Variants in GOLPH3 observed in about 807,000 individuals in gnomAD.
GOLPH3 encodes coat protein GPP34.
GOLPH3 carries 14 observed loss-of-function variants against 28.5 expected under a neutral mutation model. The ratio of observed to expected loss-of-function variants is 0.49; its 90% CI spans 0.32 to 0.77. The LOEUF is 0.77. Among genes scored for constraint, GOLPH3 ranks in the 30% least tolerant of loss-of-function variants. The pLI, the probability that GOLPH3 is intolerant of heterozygous loss-of-function variation, is 0.03. For missense variants in GOLPH3, 350 were observed against 393.7 expected (o/e 0.89, Z 0.94); for synonymous variants, 158 against 159.2 (o/e 0.99, Z 0.06).
At chr5:32,156,127 G>T (rs1304224680) in intron 1 of GOLPH3, among the ~76,000 whole-genome samples, 1 of 152,058 alleles carries the variant, frequency 6.6e-6, no homozygotes, top group African/African-American at 2.4e-5. Context: ...AGGATGCAAT[G>T]AGAAGACAAC....
chr5:32,174,178 C>G lies in GOLPH3; in HGVS notation c.-144G>C. ...CGTCCGTCGGCAGCAGGGCCGGGGGCAGTCATGAGGAAACAGGTCAGGGCG... is the reference window on the plus strand; with the variant it reads ...CGTCCGTCGGCAGCAGGGCCGGGGGGAGTCATGAGGAAACAGGTCAGGGCG... On this transcript the variant is annotated 5_prime_UTR_variant, in exon 1 of 4. Transcript: ENST00000265070. 2.2e-6 allele frequency: 1 copy of G among 462,584 alleles called. No individual in the cohort carries two copies. The highest frequency in any genetic ancestry group is 3.5e-6 in the Non-Finnish European group (1 of 288,582). 28.7% of individuals were successfully genotyped at this position (462,584 alleles called of 1,614,324 possible).
At chr5:32,151,542 T>A (rs7733265) in intron 1 of GOLPH3, among the ~76,000 whole-genome samples, 2,489 of 152,228 alleles carry the variant, frequency 0.016, 67 homozygotes, top group African/African-American at 0.057. Flanking sequence ...TTCAATTTTT[T>A]AAAAGGTAAC....
chr5:32,150,405 A>G (rs1188623857), intron 1 of GOLPH3, among the ~76,000 whole-genome samples: 1 of 149,810 alleles, frequency 6.7e-6, no homozygotes, highest in African/African-American at 2.5e-5. Context: ...TACAAGTTAC[A>G]AATAAAAGTT....
intron 2 of GOLPH3, among the ~76,000 whole-genome samples, chr5:32,138,712 T>TA (rs1745993002): frequency 6.6e-6 from 1 of 152,236 alleles, no homozygotes; most frequent in South Asian, 2.1e-4. Context: ...GTGTATGTTT[T>TA]TACTAACACC....
At chr5:32,155,349 CTTTTTA>C (rs1330403997) in intron 1 of GOLPH3, among the ~76,000 whole-genome samples, 25 of 152,180 alleles carry the variant, frequency 1.6e-4, no homozygotes, top group Middle Eastern at 3.4e-3. Flanking sequence ...GCACACTCGG[CTTTTTA>C]TTTTTATTTT....
At chr5:32,133,502 GAA>G (rs1307097105) in intron 3 of GOLPH3, among the ~76,000 whole-genome samples, 1 of 152,214 alleles carries the variant, frequency 6.6e-6, no homozygotes, top group Admixed American at 6.5e-5. Context: ...CACAACATGA[GAA>G]AGATCCAAAG....
intron 3 of GOLPH3, among the ~76,000 whole-genome samples, chr5:32,126,903 T>G (rs1002649361): frequency 6.6e-6 from 1 of 152,138 alleles, no homozygotes; most frequent in South Asian, 2.1e-4. Context: ...ACCCTTAGTC[T>G]TATGTGGAAA....
At position 32,129,251 on chromosome 5, in the gene GOLPH3, T is replaced by TA. The variant is rs374543353; in HGVS notation, c.473-2616dup. Among the ~76,000 whole-genome samples the TA allele has an allele frequency of 1.9e-3, 284 of 152,294 alleles. 1 individual carries two copies. The highest frequency in any genetic ancestry group is 6.6e-3 in the African/African-American group (273 of 41,566). On this transcript the variant is annotated intron_variant, in intron 3 of 3. Transcript: ENST00000265070. ...CCTAGTGTCCTAGTGCAAGTCATCT[T>TA]AATCTATTTCTCCATTTACTCATCT... is the stretch of plus-strand genomic sequence containing the variant.
At position 32,174,082 on chromosome 5, in the gene GOLPH3, C is replaced by T; in HGVS notation, c.-48G>A. ...CGGGCCGAGAGGGTCGCAGGACCGACCGGGTCGCCCTCCTCCTCCCCGCGC... is the reference window on the plus strand; with the variant it reads ...CGGGCCGAGAGGGTCGCAGGACCGATCGGGTCGCCCTCCTCCTCCCCGCGC... On this transcript the variant is annotated 5_prime_UTR_variant, in exon 1 of 4. Transcript: ENST00000265070. The T allele has an allele frequency of 8.3e-7, 1 of 1,201,690 alleles. No individual in the cohort carries two copies. Among genetic ancestry groups the T allele is most frequent in the South Asian group, 3.7e-5 (1 of 27,252 alleles). 74.4% of individuals were successfully genotyped at this position (1,201,690 alleles called of 1,614,324 possible).
At chr5:32,158,126 A>G (rs1490517814) in intron 1 of GOLPH3, among the ~76,000 whole-genome samples, 4 of 54,930 alleles carry the variant, frequency 7.3e-5, no homozygotes, top group Non-Finnish European at 1.5e-4. Flanking sequence ...AAATAAATAA[A>G]TAAAATACAC....
intron 3 of GOLPH3, among the ~76,000 whole-genome samples, chr5:32,133,629 A>G (rs1370784744): frequency 1.3e-5 from 2 of 152,264 alleles, no homozygotes; most frequent in African/African-American, 4.8e-5. Context: ...TTTAACATAT[A>G]GAGTTGACAT....
At position 32,167,511 on chromosome 5, in the gene GOLPH3, A is replaced by G. The variant is rs936763155; in HGVS notation, c.225+6299T>C. On this transcript the variant is annotated intron_variant, in intron 1 of 3. Transcript: ENST00000265070. ...CTAAAACGTAATTCAAATGCTCCAT[A>G]CAAGAACTCTCAGGTAGTCCAAAAT... Among the ~76,000 whole-genome samples, 5 of 152,288 alleles carry G rather than the reference A, an allele frequency of 3.3e-5. 1 individual carries two copies. In the South Asian group the frequency reaches 1.0e-3, roughly 32 times the overall value.
intron 2 of GOLPH3, among the ~76,000 whole-genome samples, chr5:32,138,653 G>C (rs1745991573): frequency 6.6e-6 from 1 of 152,056 alleles, no homozygotes; most frequent in Non-Finnish European, 1.5e-5. Flanking sequence ...TTTAAATTGA[G>C]GTACTTAATA....
At position 32,126,143 on chromosome 5, in the gene GOLPH3, CCAGAAGTCAA is replaced by C. The variant is rs1745672872; in HGVS notation, c.*59_*68del. On this transcript the variant is annotated 3_prime_UTR_variant, in exon 4 of 4. Coordinates refer to ENST00000265070, the MANE Select transcript of GOLPH3 (RefSeq NM_022130.4). ...GTGGGAAAGTACAAATTACAGAAAA[CCAGAAGTCAA>C]CAGAAGAAAAACTACTGGTTTACTT... 1 of 1,458,944 alleles carries C rather than the reference CCAGAAGTCAA, an allele frequency of 6.9e-7. No individual in the cohort carries two copies. Among genetic ancestry groups the C allele is most frequent in the South Asian group, 1.3e-5 (1 of 74,126 alleles). The allele number at this position is 1,458,944 out of a possible 1,614,324, so 90.4% of individuals were successfully genotyped here.
chr5:32,140,264 G>A (rs1362107791), intron 2 of GOLPH3, among the ~76,000 whole-genome samples: 4 of 152,088 alleles, frequency 2.6e-5, no homozygotes, highest in Admixed American at 1.3e-4. Context: ...AGCTCTTTGG[G>A]AGGACAAGGC....
chr5:32,131,379 G>A (rs531863918), intron 3 of GOLPH3, among the ~76,000 whole-genome samples: 4 of 152,322 alleles, frequency 2.6e-5, no homozygotes, highest in East Asian at 1.9e-4. Context: ...TGAGTTTAGC[G>A]TAAGTAAGAC....
chr5:32,135,824 AT>A (rs1745919260), intron 2 of GOLPH3, 138 bp from the exon 3 acceptor site: 1 of 603,398 alleles, frequency 1.7e-6, no homozygotes, highest in African/African-American at 1.9e-5. Context: ...CAAAGTTCAG[AT>A]TTTAAATTAC....
intron 2 of GOLPH3, among the ~76,000 whole-genome samples, chr5:32,141,460 A>G (rs1240539500): frequency 6.6e-6 from 1 of 152,216 alleles, no homozygotes; most frequent in African/African-American, 2.4e-5. Context: ...CAGGTATCTG[A>G]AAAGTATTCA....
At chr5:32,161,416 C>A (rs1390687635) in intron 1 of GOLPH3, among the ~76,000 whole-genome samples, 13 of 113,380 alleles carry the variant, frequency 1.1e-4, no homozygotes, top group South Asian at 2.9e-4. Flanking sequence ...AAAAAAAAAC[C>A]AAAGCTGAGG....
Sources: allele counts gnomAD v4.1 joint callset (sites outside exome capture counted in the v4.1 genomes callset), GRCh38; gene constraint gnomAD v4.1.1; transcripts MANE v1.5; gene names NCBI Gene and HGNC (gene_info 2026-07-23, HGNC 2026-07-21).